The following KIR2DL3 variants were observed in gnomAD, a reference collection of about 807,000 sequenced individuals.
The protein encoded by KIR2DL3 is killer cell immunoglobulin like receptor, two Ig domains and long cytoplasmic tail 3.
KIR2DL3 carries 39 observed loss-of-function variants against 33.8 expected under a neutral mutation model. The observed-to-expected ratio is 1.15, with a 90% CI of 0.89 to 1.51. The LOEUF (loss-of-function observed/expected upper bound fraction) is 1.51. KIR2DL3 is among the 40% of genes most tolerant of loss of function. The pLI is 0.00. For synonymous variants in KIR2DL3, 174 were observed against 160.2 expected (o/e 1.09, Z -0.65); for missense variants, 462 against 426.2 (o/e 1.08, Z -0.74).
rs1345543961 is a variant in KIR2DL3, at chr19:54,742,167, C to T, written c.258C>T (p.Ser86=). ...ATGGGGTCTCCAAGGCCAACTTCTC[C>T]ATCGGTCCCATGATGCAAGACCTTG... ...HHDGVSKANF[S]IGPMMQDLAG... The change falls in exon 3 of 8, where the codon TCC becomes TCT. Residue 86 remains serine (S), a synonymous_variant. Coordinates refer to ENST00000342376, the MANE Select transcript of KIR2DL3 (RefSeq NM_015868.3). 5.0e-6 allele frequency: 8 copies of T among 1,614,158 alleles called. No homozygotes were observed. The highest frequency in any genetic ancestry group is 2.7e-5 in the African/African-American group (2 of 75,022).
At chr19:54,745,834 T>C (rs2072396208) in intron 4 of KIR2DL3, among the ~76,000 whole-genome samples, 1 of 146,210 alleles carries the variant, frequency 6.8e-6, no homozygotes, top group African/African-American at 2.5e-5. Flanking sequence ...TATTTTGAGA[T>C]GGAGTTTCGC....
Position 54,743,792 on chromosome 19 carries a change from C to T in KIR2DL3, c.371-3C>T. 6.3e-7 allele frequency: 1 copy of T among 1,592,966 alleles called. No homozygotes were observed. The highest frequency in any genetic ancestry group is 1.1e-5 in the South Asian group (1 of 88,786). ...CGTAAGGAAAATGCCTCTTCTCCTC[C>T]AGGTCTATATGAGAAACCTTCTCTC... On this transcript the variant is annotated splice_polypyrimidine_tract_variant and splice_region_variant and intron_variant, in intron 3 of 7. Transcript: ENST00000342376.
intron 4 of KIR2DL3, among the ~76,000 whole-genome samples, chr19:54,744,952 A>ATTTT (rs1158879610): frequency 5.9e-4 from 16 of 27,214 alleles, no homozygotes; most frequent in South Asian, 1.5e-3. Flanking sequence ...ATATATATAT[A>ATTTT]TATTTTTTTT....
intron 2 of KIR2DL3, among the ~76,000 whole-genome samples, chr19:54,740,522 C>A (rs1217146005): frequency 2.0e-5 from 3 of 151,608 alleles, no homozygotes; most frequent in Non-Finnish European, 4.4e-5. Flanking sequence ...TGGTCAGCAC[C>A]CAGCAACCCC....
intron 4 of KIR2DL3, 48 bp downstream of exon 4, chr19:54,744,136 A>T (rs1600369803): frequency 1.2e-6 from 2 of 1,606,674 alleles, no homozygotes; most frequent in East Asian, 2.2e-5. Context: ...CTAGAGCCTT[A>T]GCTGAGGAGC....
At chr19:54,740,471 C>T (rs2070825394) in intron 2 of KIR2DL3, among the ~76,000 whole-genome samples, 2 of 151,418 alleles carry the variant, frequency 1.3e-5, no homozygotes, top group Admixed American at 1.3e-4. Context: ...CACACAGGGA[C>T]ATACAGATGT....
chr19:54,743,051 A>G (rs201943278), intron 3 of KIR2DL3, among the ~76,000 whole-genome samples: 9,097 of 108,002 alleles, frequency 0.084, no homozygotes, highest in South Asian at 0.16. Flanking sequence ...GAGTCCTGAG[A>G]GAGAGGCACA....
intron 1 of KIR2DL3, among the ~76,000 whole-genome samples, chr19:54,738,790 T>G (rs1351300095): frequency 2.2e-5 from 3 of 138,348 alleles, no homozygotes; most frequent in African/African-American, 8.3e-5. Flanking sequence ...GATATGGGCT[T>G]GTAGTGGAGA....
chr19:54,745,014 C>T (rs76755556), intron 4 of KIR2DL3, among the ~76,000 whole-genome samples: 25,161 of 118,026 alleles, frequency 0.21, 19 homozygotes, highest in Middle Eastern at 0.29. Flanking sequence ...CTGGAAGCCA[C>T]CATTCTACTC....
In KIR2DL3 at chr19:54,752,991, T is replaced by TAAA. The variant is rs2073724290; in HGVS notation, c.*473_*474insAAA. ...AGCCTTCTGTCAGCAGTAAAACTTATATATTTTTTAAAATAATTTCAATGT... is the reference window on the plus strand; with the variant it reads ...AGCCTTCTGTCAGCAGTAAAACTTATAAAATATTTTTTAAAATAATTTCAATGT... On this transcript the variant is annotated 3_prime_UTR_variant, in exon 8 of 8. Transcript: ENST00000342376. 1 of 190,664 alleles carries TAAA rather than the reference T, an allele frequency of 5.2e-6. No homozygotes were observed. The highest frequency in any genetic ancestry group is 1.1e-5 in the Non-Finnish European group (1 of 95,030). 11.8% of individuals were successfully genotyped at this position (190,664 alleles called of 1,614,324 possible).
chr19:54,747,409 C>A, intron 5 of KIR2DL3, 24 bp downstream of exon 5: 1 of 1,607,936 alleles, frequency 6.2e-7, no homozygotes, highest in South Asian at 1.1e-5. Flanking sequence ...CCTCTTATAT[C>A]CGCTTTTGGA....
chr19:54,751,748 A>C lies in KIR2DL3; in HGVS notation c.815A>C (p.Lys272Thr), dbSNP rs2073475681. The C allele has an allele frequency of 1.4e-6, 2 of 1,466,276 alleles. No individual in the cohort carries two copies. The highest frequency in any genetic ancestry group is 4.5e-5 in the East Asian group (2 of 44,252). 90.8% of individuals were successfully genotyped at this position (1,466,276 alleles called of 1,614,324 possible). ...CTCCTTCATCGCTGGTGCTGCAACA[A>C]AAAAAGTAAGTCTCACGAAGCAGAG... ...FFLLHRWCCN[K>T]KNAVVMDQEP... Residue 272 changes from lysine to threonine, a missense_variant, in exon 6 of 8, where the codon AAA (lysine) becomes ACA (threonine). Coordinates refer to ENST00000342376, the MANE Select transcript of KIR2DL3 (RefSeq NM_015868.3).
At position 54,752,479 on chromosome 19, in the gene KIR2DL3, A is replaced by T. The variant is rs1281251515; in HGVS notation, c.986A>T (p.Asp329Val). 1 of 1,465,298 alleles carries T rather than the reference A, an allele frequency of 6.8e-7. No individual in the cohort carries two copies. The allele number at this position is 1,465,298 out of a possible 1,614,324, so 90.8% of individuals were successfully genotyped here. ...CAGAGGCCCAAGACACCCCCAACAG[A>T]TATCATCGTGTACACGGAACTTCCA... The part of the protein sequence containing the change: ...PSQRPKTPPT[D>V]IIVYTELPNA... Residue 329 changes from aspartate (D) to valine (V), a missense_variant, in exon 8 of 8, where the codon GAT becomes GTT. By Grantham distance (152) the Asp-to-Val change is radical (BLOSUM62 -3). Coordinates refer to ENST00000342376, the MANE Select transcript of KIR2DL3 (RefSeq NM_015868.3).
chr19:54,752,260 A>G lies in KIR2DL3; in HGVS notation c.865A>G (p.Asn289Asp), dbSNP rs530109926. 1.6e-4 allele frequency: 237 copies of G among 1,483,148 alleles called. 62 individuals carry two copies. In the South Asian group the frequency reaches 2.8e-3, roughly 18 times the overall value. 91.9% of individuals were successfully genotyped at this position (1,483,148 alleles called of 1,614,324 possible). A position where few individuals can be genotyped will look rare whatever the true frequency, so the allele number is the denominator to read the frequency against. The change falls in exon 7 of 8, where the codon AAC (asparagine) becomes GAC (aspartate). Residue 289 changes from asparagine (N) to aspartate (D), a missense_variant. By Grantham distance (23) the Asn-to-Asp change is conservative. Coordinates refer to ENST00000342376, the MANE Select transcript of KIR2DL3 (RefSeq NM_015868.3). ...AGAGCCTGCAGGGAACAGAACAGTG[A>G]ACAGGGAGGTAGGTGCTCCTCGGCC... The part of the protein sequence containing the change: ...DQEPAGNRTV[N>D]REDSDEQDPQ...
Position 54,744,108 on chromosome 19 carries a change from G to C in KIR2DL3, c.664+20G>C, listed in dbSNP as rs368992680. Reference sequence around the variant, plus strand: ...TCACAGGTGAGGAAACCCCATATCTGTCTCATGTCCTATGATCCTAGAGCC... The same window carrying C: ...TCACAGGTGAGGAAACCCCATATCTCTCTCATGTCCTATGATCCTAGAGCC... On this transcript the variant is annotated intron_variant, in intron 4 of 7. Coordinates refer to ENST00000342376, the MANE Select transcript of KIR2DL3 (RefSeq NM_015868.3). The C allele has an allele frequency of 9.3e-6, 15 of 1,613,780 alleles. No homozygotes were observed. The highest frequency in any genetic ancestry group is 2.7e-5 in the African/African-American group (2 of 74,912).
At chr19:54,742,897 A>G (rs1555900101) in intron 3 of KIR2DL3, among the ~76,000 whole-genome samples, 25 of 151,838 alleles carry the variant, frequency 1.6e-4, no homozygotes, top group East Asian at 3.9e-4. Flanking sequence ...AAAAATCAGG[A>G]ACACCAAAAA....
chr19:54,740,652 G>T (rs751600056), intron 2 of KIR2DL3, among the ~76,000 whole-genome samples: 1 of 151,824 alleles, frequency 6.6e-6, no homozygotes, highest in Non-Finnish European at 1.5e-5. Context: ...GGCCCTGACT[G>T]TATTTGTGGT....
In KIR2DL3 at chr19:54,744,014, G is replaced by A. The variant is rs531784316; in HGVS notation, c.590G>A (p.Arg197Lys). Residue 197 changes from arginine (R) to lysine (K), a missense_variant, in exon 4 of 8, where the codon AGA becomes AAA. By Grantham distance (26) the Arg-to-Lys change is conservative. Coordinates refer to ENST00000342376, the MANE Select transcript of KIR2DL3 (RefSeq NM_015868.3). ...LGPATHGGTY[R>K]CFGSFRDSPY... is the part of the protein sequence containing the mutation. ...CCTGCCACCCACGGAGGAACCTACA[G>A]ATGCTTCGGCTCTTTCCGTGACTCT... is the stretch of plus-strand genomic sequence containing the variant. 4 of 1,614,106 alleles carry A rather than the reference G, an allele frequency of 2.5e-6. No homozygotes were observed. The African/African-American group carries it at 4.0e-5, about 16-fold the overall frequency.
intron 1 of KIR2DL3, among the ~76,000 whole-genome samples, chr19:54,738,850 G>A (rs1337900360): frequency 2.7e-5 from 4 of 145,494 alleles, no homozygotes; most frequent in Admixed American, 6.9e-5. Flanking sequence ...ATATGGGCCT[G>A]CAGTAGAGAT....
Sources: gnomAD v4.1 joint callset for allele counts (sites outside exome capture counted in the v4.1 genomes callset) on GRCh38, gnomAD v4.1.1 for gene constraint, MANE v1.5 for transcripts, NCBI Gene and HGNC (gene_info 2026-07-23, HGNC 2026-07-21) for gene names.